The following RPF1 variants were observed in gnomAD, a reference collection of about 807,000 sequenced individuals.
The protein encoded by RPF1 is ribosome production factor 1.
Under a neutral mutation model 41.9 loss-of-function variants are expected in RPF1, and 34 were observed. The ratio of observed to expected loss-of-function variants is 0.81; its 90% CI spans 0.62 to 1.08. RPF1 has a LOEUF of 1.08. Among genes scored for constraint, RPF1 ranks in the 50% least tolerant of loss-of-function variants. The pLI is 0.00. For missense variants in RPF1, 425 were observed against 435.2 expected (o/e 0.98, Z 0.21); for synonymous variants, 140 against 148.9 (o/e 0.94, Z 0.43).
chr1:84,496,120 T>C (rs1681930049), intron 7 of RPF1, 57 bp downstream of exon 7: 1 of 1,485,568 alleles, frequency 6.7e-7, no homozygotes, highest in East Asian at 2.3e-5. Flanking sequence ...ATTTTCAACA[T>C]GAACTAATTT....
Position 84,490,478 on chromosome 1 carries a change from CTTT to C in RPF1, c.616+15_616+17del. The C allele has an allele frequency of 1.6e-6, 2 of 1,283,046 alleles. No homozygotes were observed. The highest frequency in any genetic ancestry group is 2.1e-6 in the Non-Finnish European group (2 of 941,896). 79.5% of individuals were successfully genotyped at this position (1,283,046 alleles called of 1,614,324 possible). ...TGAAGATCGTAAAACCCCAAGTATC[CTTT>C]TTTTTTTTAAGGAGGTTTTCCTGTC... On this transcript the variant is annotated splice_region_variant and intron_variant, in intron 5 of 8. Transcript: ENST00000370654.
intron 3 of RPF1, among the ~76,000 whole-genome samples, chr1:84,484,096 T>C (rs569861245): frequency 6.6e-6 from 1 of 152,216 alleles, no homozygotes; most frequent in East Asian, 1.9e-4. Context: ...TAAAGGAAAA[T>C]AGGATAAAGG....
chr1:84,490,837 A>C (rs887150960), intron 5 of RPF1, among the ~76,000 whole-genome samples: 1 of 152,206 alleles, frequency 6.6e-6, no homozygotes, highest in Non-Finnish European at 1.5e-5. Context: ...ACTGGTACAA[A>C]GTCTGCCCTG....
At chr1:84,485,374 C>T (rs2101883641) in intron 3 of RPF1, among the ~76,000 whole-genome samples, 1 of 152,360 alleles carries the variant, frequency 6.6e-6, no homozygotes, top group Admixed American at 6.5e-5. Flanking sequence ...GTTAGGATTA[C>T]AGGCATGAGC....
At chr1:84,490,587 C>A (rs1681816653) in intron 5 of RPF1, 115 bp downstream of exon 5, 2 of 752,232 alleles carry the variant, frequency 2.7e-6, no homozygotes, top group Non-Finnish European at 4.0e-6. Context: ...ATTTTTTTAT[C>A]AGAAAATTGT....
chr1:84,480,748 C>G (rs1276972866), intron 1 of RPF1, among the ~76,000 whole-genome samples: 1 of 152,110 alleles, frequency 6.6e-6, no homozygotes, highest in African/African-American at 2.4e-5. Context: ...AGGAGCAGGT[C>G]TTTGTTAAAG....
intron 5 of RPF1, among the ~76,000 whole-genome samples, chr1:84,494,148 T>C (rs148965369): frequency 2.3e-3 from 351 of 152,336 alleles, no homozygotes; most frequent in African/African-American, 7.8e-3. Context: ...TTAGGAGATG[T>C]ACTTGAGATG....
chr1:84,497,287 CG>C, intron 8 of RPF1, 141 bp from the exon 9 acceptor site: 1 of 613,802 alleles, frequency 1.6e-6, no homozygotes, highest in Non-Finnish European at 2.9e-6. Flanking sequence ...ACTGACTATT[CG>C]GGGTCTCGCA....
intron 1 of RPF1, among the ~76,000 whole-genome samples, chr1:84,479,796 A>T (rs1681610172): frequency 6.6e-6 from 1 of 152,134 alleles, no homozygotes; most frequent in Admixed American, 6.5e-5. Flanking sequence ...TAGTAGTGAA[A>T]ACTACGCCCT....
intron 5 of RPF1, among the ~76,000 whole-genome samples, chr1:84,493,713 A>G (rs1252429409): frequency 6.6e-6 from 1 of 152,270 alleles, no homozygotes; most frequent in Non-Finnish European, 1.5e-5. Context: ...GAGAAGATTT[A>G]GATCTTAATT....
intron 1 of RPF1, 31 bp downstream of exon 1, chr1:84,479,540 T>G: frequency 1.2e-6 from 2 of 1,605,558 alleles, no homozygotes; most frequent in Non-Finnish European, 1.7e-6. Context: ...GCCGGGCGCT[T>G]GCGCGTTGTT....
At position 84,479,412 on chromosome 1, in the gene RPF1, A is replaced by C. The variant is rs201279378; in HGVS notation, c.131A>C (p.Lys44Thr). The change falls in exon 1 of 9, where the codon AAA becomes ACA. Residue 44 changes from lysine to threonine, a missense_variant. Lys to Thr is a moderately conservative substitution (Grantham distance 78). Coordinates refer to ENST00000370654, the MANE Select transcript of RPF1 (RefSeq NM_025065.7). The part of the protein sequence containing the change: ...GATENGVQPP[K>T]AAAFPPGFSI... ...ACGGAAAACGGGGTCCAACCCCCGAAAGCGGCTGCCTTTCCGCCAGGCTTT... is the reference window on the plus strand; with the variant it reads ...ACGGAAAACGGGGTCCAACCCCCGACAGCGGCTGCCTTTCCGCCAGGCTTT... The C allele has an allele frequency of 6.2e-7, 1 of 1,614,250 alleles. No homozygotes were observed. The highest frequency in any genetic ancestry group is 1.1e-5 in the South Asian group (1 of 91,086).
intron 3 of RPF1, among the ~76,000 whole-genome samples, chr1:84,484,894 A>C (rs1473330620): frequency 3.3e-5 from 5 of 151,824 alleles, no homozygotes; most frequent in Admixed American, 3.3e-4. Context: ...GGTTGGTCTC[A>C]AACTCCTGAA....
At chr1:84,493,239 C>G (rs966063933) in intron 5 of RPF1, among the ~76,000 whole-genome samples, 13 of 149,604 alleles carry the variant, frequency 8.7e-5, no homozygotes, top group African/African-American at 2.7e-4. Context: ...ATACTTTTGG[C>G]TGTATTTCAT....
At chr1:84,489,314 TG>T (rs1313847965) in intron 3 of RPF1, among the ~76,000 whole-genome samples, 6 of 152,204 alleles carry the variant, frequency 3.9e-5, no homozygotes, top group Non-Finnish European at 5.9e-5. Context: ...TTGTTTGTTT[TG>T]TTTTTTTTGT....
chr1:84,484,951 C>T (rs578262622), intron 3 of RPF1, among the ~76,000 whole-genome samples: 6 of 152,176 alleles, frequency 3.9e-5, no homozygotes, highest in East Asian at 3.9e-4. Flanking sequence ...GGATTACGGG[C>T]GTGAGCCACC....
intron 6 of RPF1, 27 bp from the exon 7 acceptor site, chr1:84,495,855 G>T (rs752158955): frequency 4.2e-6 from 6 of 1,437,112 alleles, no homozygotes; most frequent in South Asian, 3.8e-5. Context: ...AGCCCATTGT[G>T]ATATTTATTT....
intron 3 of RPF1, among the ~76,000 whole-genome samples, chr1:84,487,809 T>C (rs923556168): frequency 3.9e-5 from 6 of 152,080 alleles, no homozygotes; most frequent in Non-Finnish European, 7.4e-5. Flanking sequence ...AACCTGTCCT[T>C]TTGCATATAT....
intron 4 of RPF1, 148 bp downstream of exon 4, chr1:84,489,876 G>GCT (rs1681801656): frequency 1.7e-6 from 1 of 598,900 alleles, no homozygotes; most frequent in Admixed American, 2.9e-5. Context: ...CTGGTAATAT[G>GCT]ATGTAGGTTT....
Sources: allele counts gnomAD v4.1 joint callset (sites outside exome capture counted in the v4.1 genomes callset), GRCh38; gene constraint gnomAD v4.1.1; transcripts MANE v1.5; gene names NCBI Gene and HGNC (gene_info 2026-07-23, HGNC 2026-07-21).